TAFA2: variants seen among roughly 807,000 people sequenced by gnomAD.
TAFA2 encodes chemokine-like protein TAFA-2.
In TAFA2, 7 loss-of-function variants were observed where a neutral mutation model predicts 18.8. That is an observed-to-expected ratio of 0.37 (90% CI 0.21 to 0.70). TAFA2 has a LOEUF of 0.70. Ranked by LOEUF, TAFA2 falls within the 30% of genes least tolerant of loss-of-function variation. TAFA2 has a pLI of 0.53. For missense variants in TAFA2, 122 were observed against 158.1 expected (o/e 0.77, Z 1.23); for synonymous variants, 60 against 54.2 (o/e 1.11, Z -0.47).
At chr12:61,756,007 G>C (rs747592495) in intron 2 of TAFA2, among the ~76,000 whole-genome samples, 18 of 152,036 alleles carry the variant, frequency 1.2e-4, no homozygotes, top group Non-Finnish European at 1.9e-4. Flanking sequence ...CAATGGAAAA[G>C]CAGGAGATCT....
chr12:61,980,030 T>A (rs1879575030), intron 1 of TAFA2, among the ~76,000 whole-genome samples: 1 of 152,192 alleles, frequency 6.6e-6, no homozygotes, highest in Non-Finnish European at 1.5e-5. Context: ...TTCAGAAAAT[T>A]CTTTTCTTTT....
chr12:61,711,360 G>A (rs904418079), intron 4 of TAFA2, among the ~76,000 whole-genome samples: 2 of 151,764 alleles, frequency 1.3e-5, no homozygotes, highest in African/African-American at 4.8e-5. Context: ...GAAATATCTC[G>A]ATTTCTGCTG....
intron 1 of TAFA2, among the ~76,000 whole-genome samples, chr12:61,921,641 T>C (rs1291561374): frequency 6.6e-6 from 1 of 152,184 alleles, no homozygotes; most frequent in African/African-American, 2.4e-5. Context: ...TTGAGCTGTC[T>C]ATTAATTCTG....
At chr12:61,726,790 C>T (rs1022361423) in intron 4 of TAFA2, among the ~76,000 whole-genome samples, 1 of 151,924 alleles carries the variant, frequency 6.6e-6, no homozygotes, top group African/African-American at 2.4e-5. Context: ...AGTGGACATC[C>T]TTGTCTTGTT....
At chr12:62,256,413 T>A (rs2062939307) in intron 1 of TAFA2, among the ~76,000 whole-genome samples, 1 of 152,216 alleles carries the variant, frequency 6.6e-6, no homozygotes, top group Non-Finnish European at 1.5e-5. Context: ...GACCTTTAAT[T>A]GGGATAGACA....
At chr12:61,831,745 C>T (rs1490190251) in intron 2 of TAFA2, among the ~76,000 whole-genome samples, 1 of 151,976 alleles carries the variant, frequency 6.6e-6, no homozygotes, top group Non-Finnish European at 1.5e-5. Flanking sequence ...TACATGTGCA[C>T]AACGTGCAGG....
intron 1 of TAFA2, among the ~76,000 whole-genome samples, chr12:62,169,830 G>C (rs1222372000): frequency 7.7e-6 from 1 of 129,756 alleles, no homozygotes; most frequent in African/African-American, 3.0e-5. Context: ...CAGACTGGGC[G>C]ACAGGGCGAG....
At chr12:61,952,647 C>A (rs1878510590) in intron 1 of TAFA2, among the ~76,000 whole-genome samples, 2 of 152,094 alleles carry the variant, frequency 1.3e-5, no homozygotes, top group South Asian at 4.1e-4. Context: ...ACGTCTTTAT[C>A]TCTTTATATA....
chr12:61,833,825 G>A (rs4763158), intron 2 of TAFA2, among the ~76,000 whole-genome samples: 16,701 of 151,690 alleles, frequency 0.11, 1,130 homozygotes, highest in East Asian at 0.2. Flanking sequence ...TTATGCTTTT[G>A]TACTCCATCT....
At chr12:62,083,167 G>A (rs1266257483) in intron 1 of TAFA2, among the ~76,000 whole-genome samples, 2 of 151,392 alleles carry the variant, frequency 1.3e-5, no homozygotes, top group East Asian at 1.9e-4. Flanking sequence ...AGCTGTTTTC[G>A]TTTTATTAAT....
chr12:61,926,496 C>A (rs1201938285), intron 1 of TAFA2, among the ~76,000 whole-genome samples: 2 of 152,266 alleles, frequency 1.3e-5, no homozygotes, highest in East Asian at 3.9e-4. Flanking sequence ...AGCTTATCCA[C>A]CATGATCAAC....
At chr12:62,014,837 C>T (rs1293643466) in intron 1 of TAFA2, among the ~76,000 whole-genome samples, 1 of 152,014 alleles carries the variant, frequency 6.6e-6, no homozygotes, top group East Asian at 1.9e-4. Flanking sequence ...AACCACCCTG[C>T]AATGCTGGGC....
intron 1 of TAFA2, among the ~76,000 whole-genome samples, chr12:61,910,805 A>T (rs1373759894): frequency 1.3e-5 from 2 of 152,228 alleles, no homozygotes; most frequent in Non-Finnish European, 2.9e-5. Context: ...ATTCTAATTA[A>T]TTAGTATCCC....
intron 1 of TAFA2, among the ~76,000 whole-genome samples, chr12:62,166,127 C>A (rs1330920097): frequency 6.6e-6 from 1 of 152,006 alleles, no homozygotes; most frequent in Non-Finnish European, 1.5e-5. Flanking sequence ...ATTTTCTCAT[C>A]TTTTCTTATA....
intron 1 of TAFA2, among the ~76,000 whole-genome samples, chr12:61,925,739 A>T (rs1445314591): frequency 6.6e-6 from 1 of 152,230 alleles, no homozygotes; most frequent in Admixed American, 6.5e-5. Context: ...AATGCCCACA[A>T]AAGAAAGCAG....
chr12:62,219,705 T>A (rs1341021470), intron 1 of TAFA2, among the ~76,000 whole-genome samples: 1 of 152,174 alleles, frequency 6.6e-6, no homozygotes, highest in African/African-American at 2.4e-5. Context: ...ACCTAACTGC[T>A]TTTAATATAA....
intron 1 of TAFA2, among the ~76,000 whole-genome samples, chr12:62,151,478 C>T (rs1008707686): frequency 2.0e-5 from 3 of 152,112 alleles, no homozygotes; most frequent in African/African-American, 7.2e-5. Flanking sequence ...TAGAAGATTG[C>T]CCGGAATGAC....
intron 2 of TAFA2, among the ~76,000 whole-genome samples, chr12:61,795,109 G>A (rs1592393638): frequency 6.6e-6 from 1 of 152,102 alleles, no homozygotes; most frequent in Non-Finnish European, 1.5e-5. Flanking sequence ...TGGAGAAATA[G>A]GAACACTTTT....
intron 1 of TAFA2, among the ~76,000 whole-genome samples, chr12:62,068,042 C>T (rs1882537017): frequency 6.6e-6 from 1 of 151,292 alleles, no homozygotes; most frequent in South Asian, 2.1e-4. Flanking sequence ...AAACTGCATT[C>T]CACAATTCCA....
Sources: gnomAD v4.1 joint callset for allele counts (sites outside exome capture counted in the v4.1 genomes callset) on GRCh38, gnomAD v4.1.1 for gene constraint, MANE v1.5 for transcripts, NCBI Gene and HGNC (gene_info 2026-07-23, HGNC 2026-07-21) for gene names.